The following KIDINS220 variants were observed in gnomAD, a reference collection of about 807,000 sequenced individuals.
KIDINS220 encodes the protein kinase D-interacting substrate of 220 kDa.
In KIDINS220, 63 loss-of-function variants were observed where a neutral mutation model predicts 157.6. That is an observed-to-expected ratio of 0.40 (90% CI 0.33 to 0.49). The LOEUF is 0.49. Among genes scored for constraint, KIDINS220 ranks in the 20% least tolerant of loss-of-function variants. KIDINS220 has a pLI of 0.66. For missense variants in KIDINS220, 1,772 were observed against 2,171.2 expected, an observed-to-expected ratio of 0.82 and a Z score of 3.65; for synonymous variants, 732 against 783.6, an observed-to-expected ratio of 0.93 and a Z score of 1.10.
chr2:8,762,935 T>C (rs1668966610), intron 22 of KIDINS220, among the ~76,000 whole-genome samples: 1 of 152,164 alleles, frequency 6.6e-6, no homozygotes, highest in Non-Finnish European at 1.5e-5. Flanking sequence ...TAGACACAAT[T>C]AGAACTAAAT....
intron 12 of KIDINS220, among the ~76,000 whole-genome samples, chr2:8,791,711 A>C (rs1673220017): frequency 6.6e-6 from 1 of 152,184 alleles, no homozygotes; most frequent in South Asian, 2.1e-4. Context: ...ATACAAAGAA[A>C]GTTGTAAAAT....
chr2:8,742,814 G>A (rs1665811337), intron 26 of KIDINS220, among the ~76,000 whole-genome samples: 1 of 139,552 alleles, frequency 7.2e-6, no homozygotes, highest in African/African-American at 2.5e-5. Flanking sequence ...AATATTCGTT[G>A]AACTAATCGC....
chr2:8,793,714 C>G, intron 12 of KIDINS220, 96 bp downstream of exon 12: 1 of 1,160,024 alleles, frequency 8.6e-7, no homozygotes, highest in Non-Finnish European at 1.2e-6. Context: ...GCTGGGATTA[C>G]AGGCATGAGC....
In KIDINS220 at chr2:8,746,279, T is replaced by A. The variant is rs1327253945; in HGVS notation, c.3585+866A>T. Among the ~76,000 whole-genome samples the A allele has an allele frequency of 2.0e-5, 3 of 151,664 alleles. No individual in the cohort carries two copies. In the East Asian group the frequency reaches 5.8e-4, roughly 29 times the overall value. Reference sequence around the variant, plus strand: ...CACCATGCCTGGCTAATTCTCGTATTTTCTTTAGTAGAGATAGGGTTTCAC... The same window carrying A: ...CACCATGCCTGGCTAATTCTCGTATATTCTTTAGTAGAGATAGGGTTTCAC... On this transcript the variant is annotated intron_variant, in intron 26 of 29. Coordinates refer to ENST00000256707, the MANE Select transcript of KIDINS220 (RefSeq NM_020738.4).
intron 7 of KIDINS220, among the ~76,000 whole-genome samples, chr2:8,804,281 C>A (rs902720112): frequency 2.0e-5 from 3 of 152,210 alleles, no homozygotes; most frequent in Non-Finnish European, 4.4e-5. Context: ...CACTATGACC[C>A]AAGATCTGGT....
At chr2:8,772,774 C>T (rs1670404735) in intron 21 of KIDINS220, among the ~76,000 whole-genome samples, 1 of 152,258 alleles carries the variant, frequency 6.6e-6, no homozygotes, top group Non-Finnish European at 1.5e-5. Context: ...TATTTATCTA[C>T]TAAAACCTCA....
intron 17 of KIDINS220, among the ~76,000 whole-genome samples, chr2:8,783,155 C>G (rs1187244298): frequency 7.3e-5 from 11 of 149,862 alleles, no homozygotes; most frequent in African/African-American, 2.7e-4. Context: ...TGAGATGGCA[C>G]CACTGCACTC....
intron 2 of KIDINS220, among the ~76,000 whole-genome samples, chr2:8,824,957 G>A (rs74461937): frequency 0.021 from 3,152 of 152,256 alleles, 111 homozygotes; most frequent in African/African-American, 0.072. Flanking sequence ...CCAATTACAT[G>A]AGGTGTCTAA....
intron 2 of KIDINS220, among the ~76,000 whole-genome samples, chr2:8,824,341 T>A (rs1003257308): frequency 6.6e-6 from 1 of 152,226 alleles, no homozygotes; most frequent in African/African-American, 2.4e-5. Flanking sequence ...TGATATTAGG[T>A]ACCACAGGTC....
chr2:8,788,715 G>A lies in KIDINS220; in HGVS notation c.1719C>T (p.Leu573=). Residue 573 remains leucine (L), a synonymous_variant, in exon 15 of 30, where the codon CTC becomes CTT. Coordinates refer to ENST00000256707, the MANE Select transcript of KIDINS220 (RefSeq NM_020738.4). ...GATTCACAAACATCAATTTAAGGAG[G>A]AGTTCCAAATATCCAATATGTCTTG... ...RLARHIGYLE[L]LLKLMFVNPP... is the part of the protein sequence containing the mutation. 2 of 1,614,140 alleles carry A rather than the reference G, an allele frequency of 1.2e-6. No individual in the cohort carries two copies. The highest frequency in any genetic ancestry group is 1.7e-5 in the Admixed American group (1 of 60,036).
chr2:8,810,887 T>A (rs1676204910), intron 6 of KIDINS220, among the ~76,000 whole-genome samples: 1 of 152,216 alleles, frequency 6.6e-6, no homozygotes, highest in African/African-American at 2.4e-5. Flanking sequence ...TGCAATATTC[T>A]TAAATGCCAT....
chr2:8,798,281 T>C lies in KIDINS220; in HGVS notation c.920A>G (p.Tyr307Cys). The C allele has an allele frequency of 6.2e-7, 1 of 1,606,896 alleles. No individual in the cohort carries two copies. Among genetic ancestry groups the C allele is most frequent in the Non-Finnish European group, 8.5e-7 (1 of 1,173,700 alleles). ...TGCATTTCCTTTCTCAACAGCCCAA[T>C]ACAAAGCAGTTTTATTATCCTAGAT... is the stretch of plus-strand genomic sequence containing the variant. ...IRGQDNKTAL[Y>C]WAVEKGNATM... Residue 307 changes from tyrosine (Y) to cysteine (C), a missense_variant, in exon 10 of 30, where the codon TAT (tyrosine) becomes TGT (cysteine). Physicochemically the swap from Tyr to Cys is radical, Grantham distance 194. Around this residue, in one of 3 missense-constraint regions of KIDINS220, gnomAD observed 725 missense variants for 1,017.1 expected, o/e 0.71. Coordinates refer to ENST00000256707, the MANE Select transcript of KIDINS220 (RefSeq NM_020738.4).
chr2:8,769,327 T>C (rs566724882), intron 22 of KIDINS220, among the ~76,000 whole-genome samples: 1 of 152,158 alleles, frequency 6.6e-6, no homozygotes, highest in Non-Finnish European at 1.5e-5. Context: ...ATTCCTGGAG[T>C]AATATACTAC....
At chr2:8,780,485 C>A (rs1174076275) in intron 17 of KIDINS220, among the ~76,000 whole-genome samples, 1 of 150,750 alleles carries the variant, frequency 6.6e-6, no homozygotes, top group East Asian at 1.9e-4. Context: ...GTGGCCACTC[C>A]TTGATTACGT....
intron 17 of KIDINS220, among the ~76,000 whole-genome samples, chr2:8,782,933 C>T (rs573323821): frequency 6.6e-6 from 1 of 152,254 alleles, no homozygotes; most frequent in South Asian, 2.1e-4. Flanking sequence ...ATGGCTCATG[C>T]CTGTAATCCC....
intron 11 of KIDINS220, 165 bp from the exon 12 acceptor site, chr2:8,794,152 T>C (rs1219266733): frequency 2.0e-6 from 1 of 490,006 alleles, no homozygotes; most frequent in Non-Finnish European, 3.5e-6. Context: ...CCCCATAATA[T>C]CCTTCTGTAG....
chr2:8,807,494 G>C (rs1675623810), intron 6 of KIDINS220, among the ~76,000 whole-genome samples: 1 of 152,334 alleles, frequency 6.6e-6, no homozygotes, highest in Non-Finnish European at 1.5e-5. Flanking sequence ...TTAAGCACTT[G>C]AATGCTATGT....
chr2:8,826,112 G>A (rs1241338485), intron 2 of KIDINS220, among the ~76,000 whole-genome samples: 2 of 151,908 alleles, frequency 1.3e-5, no homozygotes, highest in East Asian at 3.9e-4. Context: ...TAAAATAATA[G>A]TTTGGCTTTT....
At position 8,729,003 on chromosome 2, in the gene KIDINS220, T is replaced by C. The variant is rs187889939; in HGVS notation, c.*1717A>G. On this transcript the variant is annotated 3_prime_UTR_variant, in exon 30 of 30. Transcript: ENST00000256707. ...GCTAGTATTAATTTCACAAACAGTA[T>C]AAAGAATGTACTCCAATGATATTAC... 7 of 979,594 alleles carry C rather than the reference T, an allele frequency of 7.1e-6. No individual in the cohort carries two copies. The Admixed American group carries it at 4.3e-4, about 60-fold the overall frequency. The allele number at this position is 979,594 out of a possible 1,614,324, so 60.7% of individuals were successfully genotyped here.
Sources: allele counts gnomAD v4.1 joint callset (sites outside exome capture counted in the v4.1 genomes callset), GRCh38; gene constraint gnomAD v4.1.1; regional missense constraint gnomAD v4.1.1; transcripts MANE v1.5; gene names NCBI Gene and HGNC (gene_info 2026-07-23, HGNC 2026-07-21).